The following CUL7 variants were observed in gnomAD, a reference collection of about 807,000 sequenced individuals.
CUL7 encodes cullin 7, also known as cullin-7.
A neutral mutation model predicts 177.7 loss-of-function variants in CUL7; 96 were observed. The observed-to-expected ratio is 0.54, with a 90% confidence interval of 0.46 to 0.64. The LOEUF (loss-of-function observed/expected upper bound fraction) is 0.64, where lower values mean the gene tolerates loss of function less well. CUL7 is among the 30% of genes least tolerant of loss of function. The pLI is 0.00. For missense variants in CUL7, 1,893 were observed against 2,187.9 expected (o/e 0.87, Z 2.69); for synonymous variants, 824 against 890.2 (o/e 0.93, Z 1.32).
chr6:43,050,250 C>G lies in CUL7; in HGVS notation c.1372+10G>C. Reference sequence around the variant, plus strand: ...CTCAGAGCTGACCCTTGCTTCCTCCCTGAGCTCACCTCTACCCAGGACTCT... The same window carrying G: ...CTCAGAGCTGACCCTTGCTTCCTCCGTGAGCTCACCTCTACCCAGGACTCT... On this transcript the variant is annotated intron_variant, in intron 5 of 25. Coordinates refer to ENST00000265348, the MANE Select transcript of CUL7 (RefSeq NM_014780.5). The surrounding 1 kb of genome is among the most constrained non-coding windows in gnomAD (Gnocchi z 4.1). 6.2e-7 allele frequency: 1 copy of G among 1,614,184 alleles called. No homozygotes were observed. The highest frequency in any genetic ancestry group is 1.3e-5 in the African/African-American group (1 of 75,038).
chr6:43,040,259 G>A lies in CUL7; in HGVS notation c.4191C>T (p.His1397=). 1.2e-6 allele frequency: 2 copies of A among 1,614,190 alleles called. No individual in the cohort carries two copies. The highest frequency in any genetic ancestry group is 1.7e-6 in the Non-Finnish European group (2 of 1,180,034). ...PEVSVLVLSR[H]SWPVASICHT... Reference sequence around the variant, plus strand: ...GGCAGATTGAGGCAACAGGCCAGGAGTGTCGGGACAGGACAAGCACAGACA... The same window carrying A: ...GGCAGATTGAGGCAACAGGCCAGGAATGTCGGGACAGGACAAGCACAGACA... Residue 1397 remains histidine (H), a synonymous_variant, in exon 22 of 26, where the codon CAC becomes CAT. Coordinates refer to ENST00000265348, the MANE Select transcript of CUL7 (RefSeq NM_014780.5). The surrounding 1 kb of genome is among the most constrained non-coding windows in gnomAD (Gnocchi z 4.2).
Position 43,045,403 on chromosome 6 carries a change from C to G in CUL7, c.2863-1G>C. The G allele has an allele frequency of 6.2e-7, 1 of 1,614,244 alleles. No homozygotes were observed. The highest frequency in any genetic ancestry group is 1.3e-5 in the African/African-American group (1 of 75,050). ...CCCGAATGCGCGTATCAATGCCACC[C>G]TGAAACACACACAGGACTATCTTCA... is the stretch of plus-strand genomic sequence containing the variant. On this transcript the variant is annotated splice_acceptor_variant, in intron 14 of 25. Coordinates refer to ENST00000265348, the MANE Select transcript of CUL7 (RefSeq NM_014780.5). LOFTEE classifies it high-confidence loss of function. This position sits in a 1 kb window ranked among gnomAD's most constrained non-coding sequence, Gnocchi z 4.8.
Position 43,043,351 on chromosome 6 carries a change from G to A in CUL7, c.3355+97C>T. On this transcript the variant is annotated intron_variant, in intron 17 of 25. Coordinates refer to ENST00000265348, the MANE Select transcript of CUL7 (RefSeq NM_014780.5). This position sits in a 1 kb window ranked among gnomAD's most constrained non-coding sequence, Gnocchi z 4.2. ...GATGAACAGGCTGAGCCCATAGGGA[G>A]GGGAAGGATGGGGATGGACAGAAGC... is the stretch of plus-strand genomic sequence containing the variant. The A allele has an allele frequency of 3.0e-6, 4 of 1,314,276 alleles. 1 individual carries two copies. The South Asian group carries it at 3.6e-5, about 12-fold the overall frequency. The allele number at this position is 1,314,276 out of a possible 1,614,324, so 81.4% of individuals were successfully genotyped here.
chr6:43,041,695 AGGGAAG>A lies in CUL7; in HGVS notation c.3646-626_3646-621del, dbSNP rs201028898. Among the ~76,000 whole-genome samples, 1,478 of 148,114 alleles carry A rather than the reference AGGGAAG, an allele frequency of 1.0e-2. 6 individuals are homozygous for A. Among genetic ancestry groups the A allele is most frequent in the Non-Finnish European group, 0.017 (1,146 of 66,808 alleles). On this transcript the variant is annotated intron_variant, in intron 19 of 25. Coordinates refer to ENST00000265348, the MANE Select transcript of CUL7 (RefSeq NM_014780.5). ...GGGAAGGGAAAGGAAGGGGAAGGGA[AGGGAAG>A]GGGAAGGGAAGGGAAAGGGAAGGGA...
At position 43,038,339 on chromosome 6, in the gene CUL7, C is replaced by T; in HGVS notation, c.4701G>A (p.Leu1567=). 2.5e-6 allele frequency: 4 copies of T among 1,614,194 alleles called. No individual in the cohort carries two copies. The highest frequency in any genetic ancestry group is 3.4e-6 in the Non-Finnish European group (4 of 1,180,032). ...TGAGGATTCGGACGATGAGGCAGTT[C>T]AGAAGATTCCGTCTCTTCTCCAAGT... The part of the protein sequence containing the change: ...GQNLEKRRNL[L]NCLIVRILKA... Residue 1567 remains leucine (L), a synonymous_variant, in exon 25 of 26, where the codon CTG becomes CTA. Transcript: ENST00000265348.
Position 43,049,956 on chromosome 6 carries a change from G to T in CUL7, c.1569+7C>A. On this transcript the variant is annotated splice_region_variant and intron_variant, in intron 6 of 25. Transcript: ENST00000265348. ...CCAACCTCTGAGTGTCTCCAGGCTG[G>T]CTCTACCTCCCCATCTAGGTTCTCC... 1 of 1,613,182 alleles carries T rather than the reference G, an allele frequency of 6.2e-7. No homozygotes were observed. The highest frequency in any genetic ancestry group is 8.5e-7 in the Non-Finnish European group (1 of 1,179,490).
rs202082916 is a variant in CUL7, at chr6:43,038,416, G to A, written c.4624C>T (p.Arg1542Trp). 1.1e-5 allele frequency: 17 copies of A among 1,614,130 alleles called. No homozygotes were observed. The East Asian group carries it at 1.1e-4, about 11-fold the overall frequency. ...KEPRSRWDIV[R>W]LIPPQTYLQA... ...AGGTACGTCTGAGGTGGGATGAGCC[G>A]CACAATGTCCCATCTCGACCTGGGT... The change falls in exon 25 of 26, where the codon CGG (arginine) becomes TGG (tryptophan). Residue 1542 changes from arginine to tryptophan, a missense_variant. By Grantham distance (101) the Arg-to-Trp change is moderately radical. This residue lies in a region of CUL7 where 248 missense variants were observed against 262.5 expected (regional missense o/e 0.94). Coordinates refer to ENST00000265348, the MANE Select transcript of CUL7 (RefSeq NM_014780.5).
At chr6:43,049,772 CCT>C in intron 6 of CUL7, 110 bp from the exon 7 acceptor site, 2 of 1,489,732 alleles carry the variant, frequency 1.3e-6, no homozygotes, top group Non-Finnish European at 1.8e-6. Context: ...CCATCCTGAT[CCT>C]CTCACAGCTG....
chr6:43,052,023 C>G lies in CUL7; in HGVS notation c.580+186G>C. The G allele has an allele frequency of 2.7e-6, 3 of 1,128,754 alleles. No homozygotes were observed. The highest frequency in any genetic ancestry group is 3.7e-6 in the Non-Finnish European group (3 of 805,162). 69.9% of individuals were successfully genotyped at this position (1,128,754 alleles called of 1,614,324 possible). A position where few individuals can be genotyped will look rare whatever the true frequency, so the allele number is the denominator to read the frequency against. On this transcript the variant is annotated intron_variant, in intron 2 of 25. Transcript: ENST00000265348. This position sits in a 1 kb window ranked among gnomAD's most constrained non-coding sequence, Gnocchi z 4.5. ...ATGAGGTTCTTGAAGATAGTCTTTCCTCTTTTGGCAGATAACCCCCACCCT... is the reference window on the plus strand; with the variant it reads ...ATGAGGTTCTTGAAGATAGTCTTTCGTCTTTTGGCAGATAACCCCCACCCT...
chr6:43,042,944 A>G lies in CUL7; in HGVS notation c.3503T>C (p.Phe1168Ser), dbSNP rs775318681. 6.2e-7 allele frequency: 1 copy of G among 1,614,196 alleles called. No individual in the cohort carries two copies. The highest frequency in any genetic ancestry group is 1.1e-5 in the South Asian group (1 of 91,084). ...FLTSSWRDDD[F>S]VPRYCEHFNI... ...AAAGTGCTCACAGTAGCGTGGCACA[A>G]AGTCATCATCCCGCCAGGATGAGGT... Residue 1168 changes from phenylalanine (F) to serine (S), a missense_variant, in exon 19 of 26, where the codon TTT becomes TCT. Phe to Ser is a radical substitution (Grantham distance 155). Transcript: ENST00000265348.
intron 25 of CUL7, 46 bp downstream of exon 25, chr6:43,038,221 C>T: frequency 6.2e-7 from 1 of 1,604,106 alleles, no homozygotes; most frequent in Admixed American, 1.7e-5. Flanking sequence ...ACTGCTCCCC[C>T]AACCCCAGCA....
At position 43,046,596 on chromosome 6, in the gene CUL7, C is replaced by T. The variant is rs139173073; in HGVS notation, c.2403G>A (p.Val801=). The stretch of plus-strand genomic sequence containing the variant: ...GTCTGTGGTCTTCGATCTGGCCCAG[C>T]ACCATCTGCAGCCAGAACATCAGAG... ...TNILGGCIQM[V]LGQIEDHRRT... Residue 801 remains valine, a synonymous_variant, in exon 11 of 26, where the codon GTG becomes GTA. Coordinates refer to ENST00000265348, the MANE Select transcript of CUL7 (RefSeq NM_014780.5). The T allele has an allele frequency of 9.4e-5, 152 of 1,614,140 alleles. No individual in the cohort carries two copies. The East Asian group carries it at 3.3e-3, about 35-fold the overall frequency.
rs935519001 is a variant in CUL7, at chr6:43,048,296, T to A, written c.2063+36A>T. On this transcript the variant is annotated intron_variant, in intron 8 of 25. Transcript: ENST00000265348. ...TGTAGCCAGCCTCATGGACCCCCTT[T>A]GCCCTCAGAGATCCCACCTGTCACC... The A allele has an allele frequency of 3.1e-6, 5 of 1,595,360 alleles. No homozygotes were observed. The East Asian group carries it at 1.1e-4, about 36-fold the overall frequency.
upstream of CUL7, chr6:43,053,851 C>CGGCGGAAATT (rs1278035044): frequency 4.6e-6 from 7 of 1,532,810 alleles, no homozygotes; most frequent in African/African-American, 8.2e-5. This position sits in a 1 kb window ranked among gnomAD's most constrained non-coding sequence, Gnocchi z 4.1. Context: ...CCAAAAGCCA[C>CGGCGGAAATT]GGCTCATTTC....
Position 43,046,943 on chromosome 6 carries a change from C to T in CUL7, c.2334G>A (p.Lys778=), listed in dbSNP as rs780693761. 6.2e-6 allele frequency: 10 copies of T among 1,613,716 alleles called. No homozygotes were observed. The highest frequency in any genetic ancestry group is 2.7e-5 in the African/African-American group (2 of 74,900). ...GGTAGAGGTGGGCATGCTTCTCACA[C>T]TTGAACACCATGTCCCGCAGCTCCT... ...LAQELRDMVF[K]CEKHAHLYRK... The change falls in exon 10 of 26, where the codon AAG becomes AAA. Residue 778 remains lysine, a synonymous_variant. Coordinates refer to ENST00000265348, the MANE Select transcript of CUL7 (RefSeq NM_014780.5).
intron 12 of CUL7, 58 bp from the exon 13 acceptor site, chr6:43,046,149 CA>C: frequency 1.2e-6 from 2 of 1,612,368 alleles, no homozygotes; most frequent in Non-Finnish European, 1.7e-6. Flanking sequence ...TGGCCAAGTC[CA>C]GGGGGTGGTG....
At position 43,040,028 on chromosome 6, in the gene CUL7, T is replaced by A. The variant is rs1229577047; in HGVS notation, c.4294+128A>T. On this transcript the variant is annotated intron_variant, in intron 22 of 25. Coordinates refer to ENST00000265348, the MANE Select transcript of CUL7 (RefSeq NM_014780.5). The surrounding 1 kb of genome is among the most constrained non-coding windows in gnomAD (Gnocchi z 4.2). ...GTGCTGGGATTACAGGCGTGAGCACTGTGCCCAGCCAAAGACTATCTCTTT... is the reference window on the plus strand; with the variant it reads ...GTGCTGGGATTACAGGCGTGAGCACAGTGCCCAGCCAAAGACTATCTCTTT... The A allele has an allele frequency of 3.5e-5, 41 of 1,179,276 alleles. No individual in the cohort carries two copies. The highest frequency in any genetic ancestry group is 4.9e-5 in the Non-Finnish European group (39 of 791,844). The allele number at this position is 1,179,276 out of a possible 1,614,324, so 73.1% of individuals were successfully genotyped here. A position where few individuals can be genotyped will look rare whatever the true frequency, so the allele number is the denominator to read the frequency against.
At position 43,053,727 on chromosome 6, in the gene CUL7, G is replaced by T; in HGVS notation, c.-114C>A. ...GGGCCCCACCTGGGCCCCGCGAGGG[G>T]GTCGAGACGGAGAGACGGGAGGGGG... On this transcript the variant is annotated 5_prime_UTR_variant, in exon 1 of 26. Coordinates refer to ENST00000265348, the MANE Select transcript of CUL7 (RefSeq NM_014780.5). This position sits in a 1 kb window ranked among gnomAD's most constrained non-coding sequence, Gnocchi z 4.1. 2 of 1,468,170 alleles carry T rather than the reference G, an allele frequency of 1.4e-6. No individual in the cohort carries two copies. Among genetic ancestry groups the T allele is most frequent in the East Asian group, 2.7e-5 (1 of 37,528 alleles). The allele number at this position is 1,468,170 out of a possible 1,614,324, so 90.9% of individuals were successfully genotyped here.
At chr6:43,049,844 C>T in intron 6 of CUL7, 119 bp downstream of exon 6, 1 of 1,339,254 alleles carries the variant, frequency 7.5e-7, no homozygotes, top group Non-Finnish European at 1.1e-6. Flanking sequence ...GACCCCTCCT[C>T]TGCAGCCCCT....
Sources: gnomAD v4.1 joint callset for allele counts (sites outside exome capture counted in the v4.1 genomes callset) on GRCh38, gnomAD v4.1.1 for gene constraint, gnomAD v4.1.1 regional missense constraint, Gnocchi (gnomAD v3.1) non-coding constraint, MANE v1.5 for transcripts, NCBI Gene and HGNC (gene_info 2026-07-23, HGNC 2026-07-21) for gene names.